UGT1A3: variants seen among roughly 807,000 people sequenced by gnomAD.
UGT1A3 encodes UDP glucuronosyltransferase family 1 member A3.
UGT1A3 carries 31 observed loss-of-function variants against 41.0 expected under a neutral mutation model. The ratio of observed to expected loss-of-function variants is 0.76; its 90% CI spans 0.57 to 1.02. The LOEUF (loss-of-function observed/expected upper bound fraction) is 1.02. Ranked by LOEUF, UGT1A3 falls within the 50% of genes least tolerant of loss-of-function variation. UGT1A3 has a pLI of 0.00. For synonymous variants in UGT1A3, 262 were observed against 257.6 expected, an observed-to-expected ratio of 1.02 and a Z score of -0.17; for missense variants, 737 against 671.0, an observed-to-expected ratio of 1.10 and a Z score of -1.09.
chr2:233,737,563 C>G (rs1384498695), intron 1 of UGT1A3, among the ~76,000 whole-genome samples: 1 of 152,164 alleles, frequency 6.6e-6, no homozygotes, highest in Non-Finnish European at 1.5e-5. Context: ...GTGGGATGCA[C>G]CCACTATCCA....
intron 1 of UGT1A3, chr2:233,742,614 C>T (rs1692039877): frequency 6.6e-6 from 1 of 151,940 alleles, no homozygotes; most frequent in Admixed American, 6.5e-5. Context: ...TGGAGAACCA[C>T]GTTCAGGCTG....
rs368860136 is a variant in UGT1A3 at position 233,772,310 on chromosome 2, G to C, written c.1356G>C (p.Pro452=). 4.6e-5 allele frequency: 74 copies of C among 1,614,210 alleles called. 1 individual carries two copies. The South Asian group carries it at 7.0e-4, about 15-fold the overall frequency. The part of the protein sequence containing the change: ...MRLSSLHKDR[P]VEPLDLAVFW... Reference sequence around the variant, plus strand: ...TCTCCAGCCTTCACAAGGACCGCCCGGTGGAGCCGCTGGACCTGGCCGTGT... The same window carrying C: ...TCTCCAGCCTTCACAAGGACCGCCCCGTGGAGCCGCTGGACCTGGCCGTGT... The change falls in exon 5 of 5, where the codon CCG becomes CCC. Residue 452 remains proline, a synonymous_variant. Transcript: ENST00000482026.
At chr2:233,762,422 T>TAG (rs1438123944) in intron 1 of UGT1A3, among the ~76,000 whole-genome samples, 1 of 152,242 alleles carries the variant, frequency 6.6e-6, no homozygotes, top group East Asian at 1.9e-4. Flanking sequence ...TTCTACAAAA[T>TAG]AGAGTAACAG....
chr2:233,768,495 T>C (rs1699626018), intron 4 of UGT1A3, 56 bp downstream of exon 4: 19 of 1,573,996 alleles, frequency 1.2e-5, no homozygotes, highest in Non-Finnish European at 1.5e-5. Flanking sequence ...ATAAAATTGT[T>C]TCAAATATGA....
intron 1 of UGT1A3, chr2:233,743,575 G>A (rs1692358065): frequency 7.3e-7 from 1 of 1,367,206 alleles, no homozygotes; most frequent in East Asian, 4.5e-5. Flanking sequence ...GGTTTCCCAA[G>A]AGGTCAAAGG....
At chr2:233,745,275 A>G (rs1321529311) in intron 1 of UGT1A3, among the ~76,000 whole-genome samples, 1 of 151,868 alleles carries the variant, frequency 6.6e-6, no homozygotes, top group East Asian at 1.9e-4. Flanking sequence ...GGCCGTGTGT[A>G]TAGCACTGGG....
Position 233,729,669 on chromosome 2 carries a change from C to A in UGT1A3, c.543C>A (p.Asp181Glu), listed in dbSNP as rs1433524187. The A allele has an allele frequency of 6.2e-7, 1 of 1,613,792 alleles. No homozygotes were observed. Among genetic ancestry groups the A allele is most frequent in the African/African-American group, 1.3e-5 (1 of 74,882 alleles). ...TGAGGAACATTCCATGTGATTTAGACTTTAAGGGCACACAGTGTCCAAACC... is the reference window on the plus strand; with the variant it reads ...TGAGGAACATTCCATGTGATTTAGAATTTAAGGGCACACAGTGTCCAAACC... Reference protein sequence around the residue: ...FFLRNIPCDLDFKGTQCPNPS... With the variant: ...FFLRNIPCDLEFKGTQCPNPS... Residue 181 changes from aspartate to glutamate, a missense_variant, in exon 1 of 5, where the codon GAC (aspartate) becomes GAA (glutamate). Physicochemically the swap from Asp to Glu is conservative, Grantham distance 45 (BLOSUM62 2). Transcript: ENST00000482026.
intron 1 of UGT1A3, among the ~76,000 whole-genome samples, chr2:233,732,105 A>G (rs1386469627): frequency 6.6e-6 from 1 of 151,602 alleles, no homozygotes; most frequent in Admixed American, 6.6e-5. Flanking sequence ...GTCTGTTCAT[A>G]TCCTTTGCCC....
intron 1 of UGT1A3, among the ~76,000 whole-genome samples, chr2:233,738,018 T>C (rs11902624): frequency 0.019 from 2,936 of 152,240 alleles, 43 homozygotes; most frequent in African/African-American, 0.03. Flanking sequence ...TCTTGAATTG[T>C]AATCCCCATA....
At position 233,729,089 on chromosome 2, in the gene UGT1A3, G is replaced by A. The variant is rs373016756; in HGVS notation, c.-38G>A. Reference sequence around the variant, plus strand: ...AGAAAGCAAATGTAGCAGGCACAGCGTGGGGTGGACAGTCAGCTGTCCGTG... The same window carrying A: ...AGAAAGCAAATGTAGCAGGCACAGCATGGGGTGGACAGTCAGCTGTCCGTG... On this transcript the variant is annotated 5_prime_UTR_variant, in exon 1 of 5. The change creates a new upstream start codon in the 5' untranslated region. Coordinates refer to ENST00000482026, the MANE Select transcript of UGT1A3 (RefSeq NM_019093.4). The A allele has an allele frequency of 5.8e-5, 93 of 1,612,442 alleles. No individual in the cohort carries two copies. Among genetic ancestry groups the A allele is most frequent in the Middle Eastern group, 2.1e-4 (1 of 4,858 alleles).
At chr2:233,768,587 T>TC in intron 4 of UGT1A3, 148 bp downstream of exon 4, 1 of 888,352 alleles carries the variant, frequency 1.1e-6, no homozygotes, top group Non-Finnish European at 1.4e-6. Context: ...TTCTTCTTTT[T>TC]TTTTTTTTTT....
In UGT1A3 at chr2:233,757,143, T is replaced by G. The variant is rs1451644825; in HGVS notation, c.868-9891T>G. ...GAGAGGAGGAATGAGCTTGGACAGG[T>G]GGGCTGGGGTCTATCCCAGAGTTTT... On this transcript the variant is annotated intron_variant, in intron 1 of 4. Coordinates refer to ENST00000482026, the MANE Select transcript of UGT1A3 (RefSeq NM_019093.4). 3.3e-5 allele frequency among the ~76,000 whole-genome samples: 5 copies of G among 150,656 alleles called. No individual in the cohort carries two copies. In the East Asian group the frequency reaches 7.9e-4, roughly 24 times the overall value.
chr2:233,743,289 C>T (rs1692256126), intron 1 of UGT1A3: 3 of 525,668 alleles, frequency 5.7e-6, no homozygotes, highest in Non-Finnish European at 9.9e-6. Flanking sequence ...CTTGGCCATT[C>T]TCAATGATTC....
intron 1 of UGT1A3, among the ~76,000 whole-genome samples, chr2:233,737,165 G>A (rs941026420): frequency 6.6e-6 from 1 of 152,234 alleles, no homozygotes; most frequent in African/African-American, 2.4e-5. Flanking sequence ...CCACAGAGGT[G>A]GAGTCTATAG....
intron 1 of UGT1A3, among the ~76,000 whole-genome samples, chr2:233,733,430 A>G (rs1256868743): frequency 6.6e-6 from 1 of 152,170 alleles, no homozygotes; most frequent in Non-Finnish European, 1.5e-5. Context: ...ACTCAGTATG[A>G]TATTGGCTGC....
chr2:233,734,966 G>A (rs1165220522), intron 1 of UGT1A3, among the ~76,000 whole-genome samples: 1 of 152,234 alleles, frequency 6.6e-6, no homozygotes, highest in Non-Finnish European at 1.5e-5. Flanking sequence ...AGTGTGATGT[G>A]GTGCTGAGAA....
intron 1 of UGT1A3, 29 bp from the exon 2 acceptor site, chr2:233,767,005 T>A: frequency 1.2e-6 from 2 of 1,613,726 alleles, no homozygotes; most frequent in Non-Finnish European, 1.7e-6. Flanking sequence ...TGAGAAAAAA[T>A]TAACTGAAAA....
chr2:233,762,228 C>T (rs1312160230), intron 1 of UGT1A3, among the ~76,000 whole-genome samples: 1 of 152,108 alleles, frequency 6.6e-6, no homozygotes, highest in Admixed American at 6.5e-5. Flanking sequence ...AATCTCAGCA[C>T]CTAAGGCACA....
Position 233,748,846 on chromosome 2 carries a change from G to A in UGT1A3, c.868-18188G>A, listed in dbSNP as rs117649476. ...CTAGGGAGGAGATAAAACTGTGAGC[G>A]TATAAGCCCAGTTAAGCTGGGGACG... On this transcript the variant is annotated intron_variant, in intron 1 of 4. Transcript: ENST00000482026. Among the ~76,000 whole-genome samples, 30 of 151,478 alleles carry A rather than the reference G, an allele frequency of 2.0e-4. 1 individual carries two copies. The East Asian group carries it at 5.4e-3, about 27-fold the overall frequency.
Sources: gnomAD v4.1 joint callset for allele counts (sites outside exome capture counted in the v4.1 genomes callset) on GRCh38, gnomAD v4.1.1 for gene constraint, MANE v1.5 for transcripts, NCBI Gene and HGNC (gene_info 2026-07-23, HGNC 2026-07-21) for gene names.